NEXMIF: variants seen among roughly 807,000 people sequenced by gnomAD.
NEXMIF encodes the protein neurite extension and migration factor.
In NEXMIF, 8 loss-of-function variants were observed where a neutral mutation model predicts 62.1. The ratio of observed to expected loss-of-function variants is 0.13; its 90% CI spans 0.08 to 0.23. The LOEUF (loss-of-function observed/expected upper bound fraction) is 0.23, where lower values mean the gene tolerates loss of function less well. Among genes scored for constraint, NEXMIF ranks in the 10% least tolerant of loss-of-function variants. The probability of loss-of-function intolerance (pLI) is 1.00; values close to 1 mark genes in which losing one functional copy is unlikely to be tolerated. For missense variants in NEXMIF, 976 were observed against 1,113.3 expected (o/e 0.88, Z 1.75); for synonymous variants, 404 against 416.6 (o/e 0.97, Z 0.37).
At chrX:74,849,165 G>A (rs1461865995) in intron 1 of NEXMIF, among the ~76,000 whole-genome samples, 1 of 111,941 alleles carries the variant, frequency 8.9e-6, no homozygotes, top group Admixed American at 9.5e-5. Flanking sequence ...TCCGGTACTT[G>A]CCTCCTCCAG....
In NEXMIF at chrX:74,733,346, C is replaced by T. The variant is rs1438899064; in HGVS notation, c.*6059G>A. On this transcript the variant is annotated 3_prime_UTR_variant, in exon 4 of 4. Coordinates refer to ENST00000055682, the MANE Select transcript of NEXMIF (RefSeq NM_001008537.3). ...GTAATTTTACATGTTAAATCTAATA[C>T]ATTTGGGCTTTTATTTTGCATATCT... 8.9e-6 allele frequency: 1 copy of T among 111,837 alleles called. No homozygotes were observed. Among genetic ancestry groups the T allele is most frequent in the African/African-American group, 3.3e-5 (1 of 30,694 alleles). 9.2% of individuals were successfully genotyped at this position (111,837 alleles called of 1,213,427 possible).
chrX:74,902,032 T>C (rs1331765294), intron 1 of NEXMIF, among the ~76,000 whole-genome samples: 1 of 110,288 alleles, frequency 9.1e-6, no homozygotes, highest in Non-Finnish European at 1.9e-5. Context: ...GTGGGATGAG[T>C]TTTAATCCCA....
At chrX:74,877,564 T>A (rs2080641726) in intron 1 of NEXMIF, among the ~76,000 whole-genome samples, 1 of 111,750 alleles carries the variant, frequency 8.9e-6, no homozygotes, top group Non-Finnish European at 1.9e-5. Flanking sequence ...GAAGTTCTCC[T>A]GGAGAATATC....
At chrX:74,813,144 T>C (rs913146782) in intron 1 of NEXMIF, among the ~76,000 whole-genome samples, 1 of 111,467 alleles carries the variant, frequency 9.0e-6, no homozygotes, top group African/African-American at 3.3e-5. Flanking sequence ...TTTTAGTTAA[T>C]TGAGATTCTT....
intron 1 of NEXMIF, among the ~76,000 whole-genome samples, chrX:74,833,682 G>T (rs2080446419): frequency 1.8e-5 from 2 of 110,891 alleles, no homozygotes; most frequent in South Asian, 7.7e-4. Flanking sequence ...TTTTAGTAAA[G>T]GTGATTTTCT....
chrX:74,805,257 G>A (rs2080341629), intron 1 of NEXMIF, among the ~76,000 whole-genome samples: 1 of 112,091 alleles, frequency 8.9e-6, no homozygotes, highest in Non-Finnish European at 1.9e-5. Context: ...GTGTGTGTGT[G>A]TACATAATTG....
intron 1 of NEXMIF, among the ~76,000 whole-genome samples, chrX:74,781,033 G>A (rs1380267845): frequency 8.9e-6 from 1 of 111,799 alleles, no homozygotes; most frequent in Non-Finnish European, 1.9e-5. Context: ...GAAAGCCTGG[G>A]CAACTGTTAA....
intron 1 of NEXMIF, among the ~76,000 whole-genome samples, chrX:74,920,726 C>T (rs2080824053): frequency 8.9e-6 from 1 of 111,751 alleles, no homozygotes; most frequent in Admixed American, 9.5e-5. Context: ...AATGGTAATG[C>T]CTAGGTTTTC....
chrX:74,747,961 C>T (rs988899692), intron 1 of NEXMIF, among the ~76,000 whole-genome samples: 1 of 112,008 alleles, frequency 8.9e-6, no homozygotes, highest in Non-Finnish European at 1.9e-5. Flanking sequence ...TGTCAGGGGA[C>T]ATATTAGTGC....
intron 1 of NEXMIF, among the ~76,000 whole-genome samples, chrX:74,905,135 G>GTAAAAAAGAGAA (rs1212226797): frequency 2.7e-5 from 3 of 111,685 alleles, no homozygotes; most frequent in East Asian, 5.6e-4. Flanking sequence ...AAAGGGGAAT[G>GTAAAAAAGAGAA]TAAAAAAGAG....
chrX:74,827,953 T>C (rs934138865), intron 1 of NEXMIF, among the ~76,000 whole-genome samples: 1 of 111,619 alleles, frequency 9.0e-6, no homozygotes, highest in Non-Finnish European at 1.9e-5. Context: ...AAAACAGATA[T>C]CCCATAAAAT....
intron 1 of NEXMIF, among the ~76,000 whole-genome samples, chrX:74,759,987 G>A (rs1307680092): frequency 8.9e-6 from 1 of 111,776 alleles, no homozygotes; most frequent in Non-Finnish European, 1.9e-5. Flanking sequence ...GGGCAATATG[G>A]CCATTTTAAT....
chrX:74,924,284 G>T (rs2080836299), intron 1 of NEXMIF, among the ~76,000 whole-genome samples: 1 of 111,764 alleles, frequency 8.9e-6, no homozygotes, highest in African/African-American at 3.3e-5. Context: ...AGCGCGAAGG[G>T]GCCACAAGCC....
At chrX:74,819,453 A>G (rs2080387202) in intron 1 of NEXMIF, among the ~76,000 whole-genome samples, 1 of 112,309 alleles carries the variant, frequency 8.9e-6, no homozygotes, top group African/African-American at 3.2e-5. Context: ...AAGGGCTGAT[A>G]TCCAGAATCT....
intron 1 of NEXMIF, among the ~76,000 whole-genome samples, chrX:74,815,066 TCAGA>T (rs768702572): frequency 8.9e-6 from 1 of 112,524 alleles, no homozygotes; most frequent in Non-Finnish European, 1.9e-5. Context: ...TCTTCATAAC[TCAGA>T]CAGATGTAGG....
intron 1 of NEXMIF, among the ~76,000 whole-genome samples, chrX:74,812,454 G>A (rs73625826): frequency 0.055 from 6,145 of 111,303 alleles, 202 homozygotes; most frequent in South Asian, 0.12. Flanking sequence ...AATCTTCATC[G>A]TGTTTAATAT....
intron 1 of NEXMIF, among the ~76,000 whole-genome samples, chrX:74,869,867 CAAT>C (rs1201094107): frequency 2.7e-5 from 3 of 110,849 alleles, no homozygotes; most frequent in Non-Finnish European, 5.7e-5. Context: ...TTGCAAGAAT[CAAT>C]AATGTTAAAA....
intron 1 of NEXMIF, among the ~76,000 whole-genome samples, chrX:74,796,233 T>TATATATACATATATA (rs2080310056): frequency 1.3e-4 from 7 of 55,500 alleles, no homozygotes; most frequent in Admixed American, 6.4e-4. Flanking sequence ...ATATATAATA[T>TATATATACATATATA]ATATATATAT....
At chrX:74,872,544 AAAGT>A (rs1277176543) in intron 1 of NEXMIF, among the ~76,000 whole-genome samples, 1 of 109,614 alleles carries the variant, frequency 9.1e-6, no homozygotes, top group Non-Finnish European at 1.9e-5. Flanking sequence ...ACTATAGTAA[AAAGT>A]AATTTACTAT....
Sources: gnomAD v4.1 joint callset for allele counts (sites outside exome capture counted in the v4.1 genomes callset) on GRCh38, gnomAD v4.1.1 for gene constraint, MANE v1.5 for transcripts, NCBI Gene and HGNC (gene_info 2026-07-23, HGNC 2026-07-21) for gene names.